Variants in GRM7 observed in about 807,000 individuals in gnomAD.
GRM7 encodes metabotropic glutamate receptor 7.
A neutral mutation model predicts 84.5 loss-of-function variants in GRM7; 35 were observed. That is an observed-to-expected ratio of 0.41 (90% CI 0.32 to 0.55). The LOEUF is 0.55. GRM7 is among the 20% of genes least tolerant of loss of function. GRM7 has a pLI of 0.19. For synonymous variants in GRM7, 487 were observed against 455.1 expected (o/e 1.07, Z -0.89); for missense variants, 1,003 against 1,194.6 (o/e 0.84, Z 2.36).
chr3:6,892,071 C>T (rs778020124), intron 1 of GRM7, among the ~76,000 whole-genome samples: 3 of 152,158 alleles, frequency 2.0e-5, no homozygotes, highest in East Asian at 1.9e-4. Context: ...CGAGCCTTGG[C>T]TTTCAGCTCC....
intron 1 of GRM7, among the ~76,000 whole-genome samples, chr3:6,970,997 A>G (rs1362916586): frequency 6.6e-6 from 1 of 151,474 alleles, no homozygotes; most frequent in Admixed American, 6.6e-5. Context: ...CAAACAAACA[A>G]ACAAACAAAC....
rs1201238683 is a variant in GRM7 at position 6,863,245 on chromosome 3, C to T, written c.519+1338C>T. On this transcript the variant is annotated intron_variant, in intron 1 of 9. Coordinates refer to ENST00000357716, the MANE Select transcript of GRM7 (RefSeq NM_000844.4). This position sits in a 1 kb window ranked among gnomAD's most constrained non-coding sequence, Gnocchi z 4.8. ...AAAATGACCCTTTTCCAGTGCATAG[C>T]GGCTCTCTCCCTGGCTGGTGGTACC... is the stretch of plus-strand genomic sequence containing the variant. Among the ~76,000 whole-genome samples the T allele has an allele frequency of 6.6e-6, 1 of 152,000 alleles. No individual in the cohort carries two copies. The highest frequency in any genetic ancestry group is 2.4e-5 in the African/African-American group (1 of 41,360).
chr3:7,431,449 A>G lies in GRM7; in HGVS notation c.1174+16286A>G, dbSNP rs143381659. Among the ~76,000 whole-genome samples, 358 of 152,312 alleles carry G rather than the reference A, an allele frequency of 2.4e-3. 2 individuals carry two copies. Among genetic ancestry groups the G allele is most frequent in the African/African-American group, 8.3e-3 (345 of 41,566 alleles). On this transcript the variant is annotated intron_variant, in intron 5 of 9. Coordinates refer to ENST00000357716, the MANE Select transcript of GRM7 (RefSeq NM_000844.4). ...GGGATGAAATATTCTTCATATTGAT[A>G]TGTATTTGTCAAAACTGATTAAACA... is the stretch of plus-strand genomic sequence containing the variant.
chr3:7,105,295 C>A lies in GRM7; in HGVS notation c.520-41157C>A, dbSNP rs184668771. 1.6e-3 allele frequency among the ~76,000 whole-genome samples: 245 copies of A among 151,846 alleles called. 1 individual carries two copies. Among genetic ancestry groups the A allele is most frequent in the African/African-American group, 5.4e-3 (226 of 41,472 alleles). ...CAAATGTGTTCCAGAGGTTGGTTAT[C>A]CAAAATGAATGAAAAATAACTCATA... On this transcript the variant is annotated intron_variant, in intron 1 of 9. Transcript: ENST00000357716.
chr3:7,048,990 T>C (rs998057078), intron 1 of GRM7, among the ~76,000 whole-genome samples: 1 of 152,004 alleles, frequency 6.6e-6, no homozygotes, highest in Non-Finnish European at 1.5e-5. Context: ...TTCTAGAAGT[T>C]ACATAAGTGA....
At chr3:7,360,501 C>T (rs9859724) in intron 4 of GRM7, among the ~76,000 whole-genome samples, 14,426 of 151,926 alleles carry the variant, frequency 0.095, 851 homozygotes, top group African/African-American at 0.17. Context: ...TTCTATAAAA[C>T]GGTATTTTTT....
chr3:7,128,032 A>G (rs968222518), intron 1 of GRM7, among the ~76,000 whole-genome samples: 12 of 151,922 alleles, frequency 7.9e-5, no homozygotes, highest in African/African-American at 2.9e-4. Flanking sequence ...AAGGTAAAAG[A>G]TGGCCAGTAA....
intron 2 of GRM7, among the ~76,000 whole-genome samples, chr3:7,225,028 T>A (rs561478391): frequency 1.1e-4 from 16 of 152,218 alleles, no homozygotes; most frequent in Admixed American, 2.6e-4. Flanking sequence ...CTATTTAATA[T>A]AATATTTAGT....
intron 4 of GRM7, among the ~76,000 whole-genome samples, chr3:7,405,391 C>T (rs936147846): frequency 6.6e-6 from 1 of 151,962 alleles, no homozygotes; most frequent in Non-Finnish European, 1.5e-5. Flanking sequence ...TTTTGGGGTA[C>T]ATAGTGATAT....
intron 6 of GRM7, among the ~76,000 whole-genome samples, chr3:7,456,272 G>A (rs12487549): frequency 0.025 from 3,874 of 152,078 alleles, 73 homozygotes; most frequent in South Asian, 0.053. Context: ...TTTAGAGAAT[G>A]ATTATAGACC....
intron 1 of GRM7, among the ~76,000 whole-genome samples, chr3:6,919,479 A>T (rs1697050815): frequency 6.7e-6 from 1 of 149,910 alleles, no homozygotes; most frequent in Non-Finnish European, 1.5e-5. Flanking sequence ...AAGTGCTGGG[A>T]TTACAGGAGT....
At position 7,703,614 on chromosome 3, in the gene GRM7, A is replaced by G. The variant is rs191330761; in HGVS notation, c.2698+23319A>G. 3.6e-4 allele frequency among the ~76,000 whole-genome samples: 55 copies of G among 152,282 alleles called. No individual in the cohort carries two copies. In the East Asian group the frequency reaches 9.5e-3, roughly 26 times the overall value. ...ATGTGATCTTCCATAATATGCTTGA[A>G]TACTTCTAGTGATAGGGAAACTACT... is the stretch of plus-strand genomic sequence containing the variant. On this transcript the variant is annotated intron_variant, in intron 9 of 9. Transcript: ENST00000357716.
chr3:7,463,326 C>T (rs1209386239), intron 7 of GRM7, among the ~76,000 whole-genome samples: 1 of 152,326 alleles, frequency 6.6e-6, no homozygotes, highest in African/African-American at 2.4e-5. Context: ...GGTTCTTAAG[C>T]ACACTATTTT....
Position 7,626,290 on chromosome 3 carries a change from G to C in GRM7, c.2451+46933G>C, listed in dbSNP as rs561932234. Among the ~76,000 whole-genome samples, 38 of 152,220 alleles carry C rather than the reference G, an allele frequency of 2.5e-4. 1 individual carries two copies. The highest frequency in any genetic ancestry group is 8.7e-4 in the African/African-American group (36 of 41,562). On this transcript the variant is annotated intron_variant, in intron 8 of 9. Transcript: ENST00000357716. ...AAATAGCAGTTCTATGGAGTAAGTA[G>C]ATACATTAAACTTTCTAACATGAAA... is the stretch of plus-strand genomic sequence containing the variant.
intron 1 of GRM7, among the ~76,000 whole-genome samples, chr3:6,963,589 C>T (rs1333528287): frequency 6.6e-6 from 1 of 152,140 alleles, no homozygotes; most frequent in Non-Finnish European, 1.5e-5. Flanking sequence ...GCCTGGGTGA[C>T]AGAGCCAGAG....
chr3:7,218,953 G>C (rs1696705548), intron 2 of GRM7, among the ~76,000 whole-genome samples: 1 of 151,962 alleles, frequency 6.6e-6, no homozygotes, highest in African/African-American at 2.4e-5. Flanking sequence ...ATCATTTATT[G>C]ATAATATATT....
chr3:7,417,333 T>A (rs2125184084), intron 5 of GRM7, among the ~76,000 whole-genome samples: 1 of 152,284 alleles, frequency 6.6e-6, no homozygotes, highest in African/African-American at 2.4e-5. Context: ...ACCGTATCTC[T>A]TACTCTTCCA....
At chr3:7,374,818 A>G (rs1162041762) in intron 4 of GRM7, among the ~76,000 whole-genome samples, 1 of 151,986 alleles carries the variant, frequency 6.6e-6, no homozygotes, top group Non-Finnish European at 1.5e-5. Flanking sequence ...TGAGCATGAC[A>G]TAGAGAATTT....
At chr3:6,942,222 A>G (rs966606346) in intron 1 of GRM7, among the ~76,000 whole-genome samples, 6 of 151,996 alleles carry the variant, frequency 3.9e-5, no homozygotes, top group African/African-American at 1.4e-4. Context: ...CAATACTGCC[A>G]TAATTACTAC....
Sources: allele counts gnomAD v4.1 joint callset (sites outside exome capture counted in the v4.1 genomes callset), GRCh38; gene constraint gnomAD v4.1.1; non-coding constraint Gnocchi (gnomAD v3.1); transcripts MANE v1.5; gene names NCBI Gene and HGNC (gene_info 2026-07-23, HGNC 2026-07-21).